The following SORBS2 variants were observed in gnomAD, a reference collection of about 807,000 sequenced individuals.
The protein encoded by SORBS2 is sorbin and SH3 domain containing 2, also known as sorbin and SH3 domain-containing protein 2.
A neutral mutation model predicts 97.7 loss-of-function variants in SORBS2; 46 were observed. That is an observed-to-expected ratio of 0.47 (90% confidence interval 0.37 to 0.60). The LOEUF (loss-of-function observed/expected upper bound fraction) is 0.60. SORBS2 is among the 20% of genes least tolerant of loss of function. SORBS2 has a pLI of 0.00. For synonymous variants in SORBS2, 476 were observed against 473.4 expected (o/e 1.01, Z -0.07); for missense variants, 1,316 against 1,282.3 (o/e 1.03, Z -0.40).
At chr4:185,592,165 T>C (rs903667007) in intron 13 of SORBS2, 1 of 152,514 alleles carries the variant, frequency 6.6e-6, no homozygotes, top group Non-Finnish European at 1.5e-5. Flanking sequence ...GCCCTCTCGA[T>C]AACTTGCAAC....
At chr4:185,747,533 G>T (rs1047217778) in intron 2 of SORBS2, among the ~76,000 whole-genome samples, 1 of 148,584 alleles carries the variant, frequency 6.7e-6, no homozygotes, top group Admixed American at 6.6e-5. Flanking sequence ...TAGAAGACAA[G>T]GCACTTGGGC....
intron 2 of SORBS2, among the ~76,000 whole-genome samples, chr4:185,725,789 C>A (rs2098551020): frequency 6.6e-6 from 1 of 152,130 alleles, no homozygotes; most frequent in Admixed American, 6.5e-5. Context: ...GATCTCTCTC[C>A]TTTTAATTCC....
chr4:185,870,546 C>A (rs1174644537), intron 1 of SORBS2, among the ~76,000 whole-genome samples: 4 of 152,238 alleles, frequency 2.6e-5, no homozygotes, highest in African/African-American at 9.6e-5. Context: ...GAACTGCTGT[C>A]AGCATCTGAA....
chr4:185,796,407 G>T, intron 1 of SORBS2, among the ~76,000 whole-genome samples: 1 of 152,226 alleles, frequency 6.6e-6, no homozygotes. Flanking sequence ...CCATACCAAT[G>T]GCTCCCAGGG....
intron 1 of SORBS2, among the ~76,000 whole-genome samples, chr4:185,928,694 T>C (rs13128199): frequency 0.32 from 47,982 of 151,944 alleles, 8,456 homozygotes; most frequent in East Asian, 0.54. Context: ...TACAGGCGCC[T>C]GCCACCACGC....
At chr4:185,751,461 A>G (rs1425180866) in intron 2 of SORBS2, among the ~76,000 whole-genome samples, 29 of 152,148 alleles carry the variant, frequency 1.9e-4, no homozygotes, top group Admixed American at 1.9e-3. Context: ...TAGGTGAAAA[A>G]GGAGCAAGAA....
At chr4:185,844,370 G>T (rs1307206429) in intron 1 of SORBS2, among the ~76,000 whole-genome samples, 1 of 152,100 alleles carries the variant, frequency 6.6e-6, no homozygotes, top group Non-Finnish European at 1.5e-5. Flanking sequence ...CAACAGCGTT[G>T]GTCACCAGTG....
Position 185,700,054 on chromosome 4 carries a change from G to A in SORBS2, c.-197-21232C>T, listed in dbSNP as rs893619076. 2.6e-5 allele frequency among the ~76,000 whole-genome samples: 4 copies of A among 152,280 alleles called. No individual in the cohort carries two copies. In the South Asian group the frequency reaches 8.3e-4, roughly 32 times the overall value. On this transcript the variant is annotated intron_variant, in intron 2 of 20. Coordinates refer to the SORBS2 transcript ENST00000284776. ...TTGATTCTGCAGAAGGCATACACAC[G>A]AGAGGGGAATAGGTAATAAGTAGAA...
intron 1 of SORBS2, among the ~76,000 whole-genome samples, chr4:185,816,603 G>C (rs879699089): frequency 6.6e-6 from 1 of 152,158 alleles, no homozygotes; most frequent in Non-Finnish European, 1.5e-5. Context: ...CCAACCCCAA[G>C]AAATATATGC....
chr4:185,788,443 T>A (rs2099066299), intron 1 of SORBS2, among the ~76,000 whole-genome samples: 2 of 152,196 alleles, frequency 1.3e-5, no homozygotes, highest in Admixed American at 6.5e-5. Context: ...GACACTCAAG[T>A]ACGGCAGTGT....
chr4:185,894,098 G>A (rs543311599), intron 1 of SORBS2, among the ~76,000 whole-genome samples: 4 of 152,170 alleles, frequency 2.6e-5, no homozygotes, highest in South Asian at 2.1e-4. Flanking sequence ...TACCGATCTC[G>A]AAATATGCCA....
intron 1 of SORBS2, among the ~76,000 whole-genome samples, chr4:185,834,969 T>C (rs1579121649): frequency 6.6e-6 from 1 of 151,866 alleles, no homozygotes; most frequent in Non-Finnish European, 1.5e-5. Flanking sequence ...TGGTGGGAGG[T>C]GACTGGATCA....
At chr4:185,610,857 C>CT (rs964265065) in intron 12 of SORBS2, among the ~76,000 whole-genome samples, 84 of 152,116 alleles carry the variant, frequency 5.5e-4, no homozygotes, top group African/African-American at 2.0e-3. Context: ...TTGAGAAGTA[C>CT]TTAAAACATT....
At chr4:185,658,627 T>A (rs560666776), upstream of SORBS2, among the ~76,000 whole-genome samples, 1 of 152,014 alleles carries the variant, frequency 6.6e-6, no homozygotes, top group Non-Finnish European at 1.5e-5. Flanking sequence ...GATATCATTA[T>A]GTGTATATGA....
chr4:185,670,608 GTT>G (rs74732953), intron 4 of SORBS2, among the ~76,000 whole-genome samples: 5 of 143,572 alleles, frequency 3.5e-5, no homozygotes, highest in Admixed American at 6.9e-5. Flanking sequence ...CTAGGAAGGG[GTT>G]TTTTTTTTTT....
At chr4:185,688,326 T>TA (rs1163676627) in intron 2 of SORBS2, among the ~76,000 whole-genome samples, 1 of 152,116 alleles carries the variant, frequency 6.6e-6, no homozygotes, top group Non-Finnish European at 1.5e-5. Flanking sequence ...GGAATATATA[T>TA]TTTTAATGAT....
intron 2 of SORBS2, among the ~76,000 whole-genome samples, chr4:185,750,865 G>A (rs1195354202): frequency 6.6e-6 from 1 of 151,950 alleles, no homozygotes; most frequent in African/African-American, 2.4e-5. Flanking sequence ...TCTTCCCCCT[G>A]CCCTTTTGAT....
chr4:185,729,781 A>C (rs72702088), intron 2 of SORBS2, among the ~76,000 whole-genome samples: 1 of 152,230 alleles, frequency 6.6e-6, no homozygotes, highest in African/African-American at 2.4e-5. Flanking sequence ...TTTCTTGTAC[A>C]GTACAACTTA....
intron 1 of SORBS2, among the ~76,000 whole-genome samples, chr4:185,821,017 A>G (rs540305836): frequency 1.3e-5 from 2 of 152,184 alleles, no homozygotes; most frequent in Non-Finnish European, 2.9e-5. Flanking sequence ...AACTAACCCA[A>G]GAAGATCCGC....
Sources: allele counts gnomAD v4.1 joint callset (sites outside exome capture counted in the v4.1 genomes callset), GRCh38; gene constraint gnomAD v4.1.1; transcripts MANE v1.5; gene names NCBI Gene and HGNC (gene_info 2026-07-23, HGNC 2026-07-21).